The following OTOA variants were observed in gnomAD, a reference collection of about 807,000 sequenced individuals.
OTOA encodes cancer/testis antigen 108.
A neutral mutation model predicts 110.8 loss-of-function variants in OTOA; 70 were observed. The observed-to-expected ratio is 0.63, with a 90% CI of 0.52 to 0.77. OTOA has a LOEUF of 0.77. Among genes scored for constraint, OTOA ranks in the 30% least tolerant of loss-of-function variants. The pLI is 0.00. For synonymous variants in OTOA, 373 were observed against 431.5 expected (o/e 0.86, Z 1.68); for missense variants, 917 against 1,075.8 (o/e 0.85, Z 2.06).
chr16:21,757,716 T>C (rs1158661242), intron 28 of OTOA, among the ~76,000 whole-genome samples: 4 of 152,070 alleles, frequency 2.6e-5, no homozygotes, highest in Non-Finnish European at 5.9e-5. Flanking sequence ...CCTCCCAGGC[T>C]CAAGCGATCC....
intron 13 of OTOA, among the ~76,000 whole-genome samples, chr16:21,712,355 T>C (rs1898383237): frequency 6.8e-6 from 1 of 148,044 alleles, no homozygotes; most frequent in Non-Finnish European, 1.5e-5. Context: ...AAGAAAAAAG[T>C]AGTAGGAATC....
intron 6 of OTOA, 63 bp downstream of exon 6, chr16:21,681,888 G>A: frequency 6.7e-7 from 1 of 1,497,572 alleles, no homozygotes; most frequent in African/African-American, 1.4e-5. Flanking sequence ...AAACTCAGGG[G>A]CCAGGTAAGT....
chr16:21,666,444 A>G lies in OTOA; in HGVS notation c.-5+2212A>G, dbSNP rs868121281. On this transcript the variant is annotated intron_variant, in intron 1 of 28. Transcript: ENST00000646100. Reference sequence around the variant, plus strand: ...AGCATCTTTGCAAATTTCACAGAAGATGAAGTGACTCTGATCCATGGGTTG... The same window carrying G: ...AGCATCTTTGCAAATTTCACAGAAGGTGAAGTGACTCTGATCCATGGGTTG... Among the ~76,000 whole-genome samples the G allele has an allele frequency of 3.9e-5, 6 of 152,104 alleles. No individual in the cohort carries two copies. In the South Asian group the frequency reaches 6.2e-4, roughly 16 times the overall value.
Position 21,719,377 on chromosome 16 carries a change from T to A in OTOA, c.1689-10T>A. On this transcript the variant is annotated splice_polypyrimidine_tract_variant and intron_variant, in intron 16 of 28. Transcript: ENST00000646100. ...CCTTCCTCTCCCGAGTGCCTTGTTTTGTTTTCTAGTGCTGGGCAGCTGGTC... is the reference window on the plus strand; with the variant it reads ...CCTTCCTCTCCCGAGTGCCTTGTTTAGTTTTCTAGTGCTGGGCAGCTGGTC... 1 of 1,613,730 alleles carries A rather than the reference T, an allele frequency of 6.2e-7. No individual in the cohort carries two copies. Among genetic ancestry groups the A allele is most frequent in the Non-Finnish European group, 8.5e-7 (1 of 1,179,650 alleles).
chr16:21,700,892 G>A lies in OTOA; in HGVS notation c.845G>A (p.Gly282Glu), dbSNP rs764155736. Residue 282 changes from glycine to glutamate, a missense_variant, in exon 11 of 29, where the codon GGG becomes GAG. This residue lies in a region of OTOA where 840 missense variants were observed against 910.2 expected (regional missense o/e 0.92). Transcript: ENST00000646100. ...TCGTCCTTGTCCACCAACTAGATTG[G>A]GCTGTTTATCAGCTATGACAACGCC... ...EITKISPIEI[G>E]LFISYDNATK... is the part of the protein sequence containing the mutation. 1 of 1,613,956 alleles carries A rather than the reference G, an allele frequency of 6.2e-7. No individual in the cohort carries two copies. The highest frequency in any genetic ancestry group is 8.5e-7 in the Non-Finnish European group (1 of 1,180,002).
chr16:21,735,897 C>A (rs986892469), intron 21 of OTOA, among the ~76,000 whole-genome samples: 3 of 152,084 alleles, frequency 2.0e-5, no homozygotes, highest in Non-Finnish European at 4.4e-5. Context: ...CCTCGCCTAA[C>A]CTACATTTTT....
chr16:21,691,309 A>G (rs964696387), intron 8 of OTOA, among the ~76,000 whole-genome samples: 1 of 152,156 alleles, frequency 6.6e-6, no homozygotes, highest in Middle Eastern at 3.2e-3. Flanking sequence ...AGCATGATTT[A>G]TAATCCTTTG....
chr16:21,721,457 A>G (rs1216071373), intron 17 of OTOA: 2 of 456,044 alleles, frequency 4.4e-6, no homozygotes, highest in Non-Finnish European at 8.8e-6. Context: ...GTGGAGCTCA[A>G]CATCCTACAA....
chr16:21,667,896 TA>T (rs997864994), intron 1 of OTOA, among the ~76,000 whole-genome samples: 1 of 152,140 alleles, frequency 6.6e-6, no homozygotes, highest in Non-Finnish European at 1.5e-5. Context: ...TTAAACAACC[TA>T]AAAAATCATT....
intron 11 of OTOA, among the ~76,000 whole-genome samples, chr16:21,702,389 C>T (rs914055622): frequency 2.0e-5 from 3 of 152,176 alleles, no homozygotes; most frequent in African/African-American, 4.8e-5. Flanking sequence ...GTTTCACCTA[C>T]CTTTAGTAAT....
intron 13 of OTOA, 95 bp from the exon 14 acceptor site, chr16:21,714,889 AC>A: frequency 1.3e-6 from 2 of 1,519,344 alleles, no homozygotes; most frequent in South Asian, 2.3e-5. Context: ...CTAAGGTGTC[AC>A]CCATCCCTAT....
chr16:21,687,358 C>A, intron 7 of OTOA, 55 bp from the exon 8 acceptor site: 1 of 1,457,316 alleles, frequency 6.9e-7, no homozygotes, highest in Non-Finnish European at 9.6e-7. Context: ...CCTCCCAGGG[C>A]TTCCAAATTG....
At chr16:21,704,932 A>G (rs1179257310) in intron 11 of OTOA, 6 of 786,712 alleles carry the variant, frequency 7.6e-6, no homozygotes, top group African/African-American at 3.4e-5. Context: ...ATCGTGGACC[A>G]TGCCATGTGG....
At chr16:21,684,720 C>CTTATTA (rs531589434) in intron 6 of OTOA, among the ~76,000 whole-genome samples, 36 of 126,912 alleles carry the variant, frequency 2.8e-4, no homozygotes, top group East Asian at 2.1e-3. Context: ...GAGGAATCCC[C>CTTATTA]TTATTATTAT....
intron 13 of OTOA, among the ~76,000 whole-genome samples, chr16:21,713,828 C>G (rs1430709467): frequency 6.6e-6 from 1 of 152,180 alleles, no homozygotes; most frequent in Non-Finnish European, 1.5e-5. Context: ...ATGTTGAAGG[C>G]TTTGAATCCT....
chr16:21,748,040 CTTCT>C (rs1184452349), intron 24 of OTOA: 2 of 97,734 alleles, frequency 2.0e-5, no homozygotes, highest in Admixed American at 1.2e-4. Flanking sequence ...CTTTCTTCTT[CTTCT>C]TTTTTTTTTT....
intron 13 of OTOA, among the ~76,000 whole-genome samples, chr16:21,711,075 G>A (rs943249201): frequency 6.6e-6 from 1 of 152,222 alleles, no homozygotes; most frequent in South Asian, 2.1e-4. Flanking sequence ...TATTATGTGA[G>A]TTGGTACACA....
At chr16:21,666,719 G>T (rs928395856) in intron 1 of OTOA, among the ~76,000 whole-genome samples, 2 of 152,074 alleles carry the variant, frequency 1.3e-5, no homozygotes, top group African/African-American at 2.4e-5. Flanking sequence ...TTTCAGTGGG[G>T]AAGGGGTATG....
chr16:21,691,504 A>T, intron 8 of OTOA, 80 bp from the exon 9 acceptor site: 2 of 1,173,382 alleles, frequency 1.7e-6, no homozygotes, highest in Non-Finnish European at 2.5e-6. Flanking sequence ...GCTTTGGGTC[A>T]CATTTGCTGT....
Sources: allele counts gnomAD v4.1 joint callset (sites outside exome capture counted in the v4.1 genomes callset), GRCh38; gene constraint gnomAD v4.1.1; regional missense constraint gnomAD v4.1.1; transcripts MANE v1.5; gene names NCBI Gene and HGNC (gene_info 2026-07-23, HGNC 2026-07-21).